PRKDC: variants seen among roughly 807,000 people sequenced by gnomAD.
The protein encoded by PRKDC is DNA-dependent protein kinase catalytic subunit.
PRKDC carries 82 observed loss-of-function variants against 486.9 expected under a neutral mutation model. That is an observed-to-expected ratio of 0.17 (90% CI 0.14 to 0.20). The LOEUF (loss-of-function observed/expected upper bound fraction) is 0.20, where lower values mean the gene tolerates loss of function less well. PRKDC is among the 10% of genes least tolerant of loss of function. The probability of loss-of-function intolerance (pLI) is 1.00; values close to 1 mark genes in which losing one functional copy is unlikely to be tolerated. For missense variants in PRKDC, 4,504 were observed against 5,038.2 expected, an observed-to-expected ratio of 0.89 and a Z score of 3.21; for synonymous variants, 1,895 against 1,837.0, an observed-to-expected ratio of 1.03 and a Z score of -0.81.
chr8:47,776,773 A>T (rs959046312), intron 85 of PRKDC, 71 bp downstream of exon 85: 2 of 1,552,716 alleles, frequency 1.3e-6, no homozygotes, highest in South Asian at 2.3e-5. Context: ...CACTTTGTAT[A>T]TATGTTGGCT....
chr8:47,817,316 G>C, intron 68 of PRKDC, 134 bp downstream of exon 68: 1 of 646,698 alleles, frequency 1.5e-6, no homozygotes, highest in Non-Finnish European at 2.7e-6. Context: ...CTACTTACAT[G>C]GGAAACAGGA....
At chr8:47,799,683 A>G (rs925924633) in intron 71 of PRKDC, among the ~76,000 whole-genome samples, 1 of 152,202 alleles carries the variant, frequency 6.6e-6, no homozygotes. Flanking sequence ...TGTCGGGAAT[A>G]TAAGAGGGAG....
rs111724137 is a variant in PRKDC, at chr8:47,888,610, C to T, written c.4321G>A (p.Ala1441Thr). ...GCCAGCCTGCTCCTGTCCACTTGCG[C>T]GTCAGGGCCATACAAGTTGACGGCA... ...LCAVNLYGPD[A>T]QVDRSRLAAV... The change falls in exon 34 of 86, where the codon GCG becomes ACG. Residue 1441 changes from alanine (A) to threonine (T), a missense_variant. Physicochemically the swap from Ala to Thr is moderately conservative, Grantham distance 58. Around this residue, in one of 6 missense-constraint regions of PRKDC, gnomAD observed 1,969 missense variants for 2,068.9 expected, o/e 0.95. Transcript: ENST00000314191. 1,127 of 1,593,726 alleles carry T rather than the reference C, an allele frequency of 7.1e-4. 4 individuals are homozygous for T. The African/African-American group carries it at 0.013, about 18-fold the overall frequency.
intron 25 of PRKDC, among the ~76,000 whole-genome samples, chr8:47,909,556 A>G (rs114086736): frequency 0.026 from 3,961 of 152,326 alleles, 151 homozygotes; most frequent in African/African-American, 0.082. Flanking sequence ...GGTAACAAGC[A>G]AGGGAAGATA....
In PRKDC at chr8:47,877,813, C is replaced by A. The variant is rs1212849781; in HGVS notation, c.5274G>T (p.Leu1758Phe). The change falls in exon 40 of 86, where the codon TTG (leucine) becomes TTT (phenylalanine). Residue 1758 changes from leucine (L) to phenylalanine (F), a missense_variant. This residue lies in a region of PRKDC where 1,969 missense variants were observed against 2,068.9 expected (regional missense o/e 0.95). Coordinates refer to ENST00000314191, the MANE Select transcript of PRKDC (RefSeq NM_006904.7). ...DALELSQSPMLLELMTEVLCR... is the reference protein window; with the variant it reads ...DALELSQSPMFLELMTEVLCR... ...AAAGAACTTCTGTCATCAATTCCAACAACATAGGGCTTTGAGATAATTCCA... is the reference window on the plus strand; with the variant it reads ...AAAGAACTTCTGTCATCAATTCCAAAAACATAGGGCTTTGAGATAATTCCA... The A allele has an allele frequency of 8.2e-6, 13 of 1,580,950 alleles. No homozygotes were observed. Among genetic ancestry groups the A allele is most frequent in the Non-Finnish European group, 1.0e-5 (12 of 1,162,416 alleles).
chr8:47,919,863 C>T lies in PRKDC; in HGVS notation c.2420-1480G>A, dbSNP rs537215832. ...CCCCAAATCTGGCCATAAACAAAAT[C>T]TCTGCAGCACTGCGACATGTTCGTG... is the stretch of plus-strand genomic sequence containing the variant. On this transcript the variant is annotated intron_variant, in intron 21 of 85. Transcript: ENST00000314191. 7.2e-5 allele frequency among the ~76,000 whole-genome samples: 11 copies of T among 151,906 alleles called. No homozygotes were observed. In the East Asian group the frequency reaches 2.1e-3, roughly 29 times the overall value.
intron 60 of PRKDC, among the ~76,000 whole-genome samples, 170 bp downstream of exon 60, chr8:47,831,644 T>C (rs2087878321): frequency 6.6e-6 from 1 of 152,094 alleles, no homozygotes. Context: ...CAGAGCGCCA[T>C]GAGGGCTGCA....
At position 47,837,221 on chromosome 8, in the gene PRKDC, G is replaced by A. The variant is rs779798380; in HGVS notation, c.7752C>T (p.Cys2584=). Residue 2584 remains cysteine (C), a synonymous_variant, in exon 57 of 86, where the codon TGC becomes TGT. Transcript: ENST00000314191. ...GAGAAGACCACATTACCTGAAATTC[G>A]CATTCTGACAGAGGATGCTCGAACA... The part of the protein sequence containing the change: ...NPMFEHPLSE[C]EFQEYTIDSD... 17 of 1,612,640 alleles carry A rather than the reference G, an allele frequency of 1.1e-5. No homozygotes were observed. Among genetic ancestry groups the A allele is most frequent in the East Asian group, 2.2e-5 (1 of 44,876 alleles).
At chr8:47,860,370 C>T (rs2088648810) in intron 45 of PRKDC, among the ~76,000 whole-genome samples, 1 of 152,136 alleles carries the variant, frequency 6.6e-6, no homozygotes, top group Non-Finnish European at 1.5e-5. Context: ...CGACCTAGGG[C>T]AAAAGCAGGC....
intron 61 of PRKDC, among the ~76,000 whole-genome samples, chr8:47,828,601 T>C (rs1290814111): frequency 6.6e-6 from 1 of 152,194 alleles, no homozygotes; most frequent in Non-Finnish European, 1.5e-5. Context: ...GCTTAATCAA[T>C]ACATAATGAC....
intron 49 of PRKDC, 144 bp downstream of exon 49, chr8:47,857,012 G>T: frequency 1.2e-6 from 1 of 844,772 alleles, no homozygotes; most frequent in Non-Finnish European, 1.6e-6. Flanking sequence ...GAGGCCATTT[G>T]GTTTAGGAGC....
intron 50 of PRKDC, 143 bp downstream of exon 50, chr8:47,855,071 CACTCTGGA>C: frequency 1.2e-6 from 1 of 864,366 alleles, no homozygotes; most frequent in Non-Finnish European, 1.7e-6. Flanking sequence ...TCTGGTGCCA[CACTCTGGA>C]GGCTGTGGTT....
intron 69 of PRKDC, 63 bp downstream of exon 69, chr8:47,807,074 T>G: frequency 6.7e-7 from 1 of 1,486,922 alleles, no homozygotes; most frequent in East Asian, 2.3e-5. Context: ...AAGCTAAAAT[T>G]AGAGAAAAGC....
intron 21 of PRKDC, among the ~76,000 whole-genome samples, chr8:47,919,479 A>G (rs1180987668): frequency 6.6e-6 from 1 of 152,230 alleles, no homozygotes; most frequent in Non-Finnish European, 1.5e-5. Context: ...CTACAACTAT[A>G]AAGTCATTTC....
At chr8:47,878,359 C>T (rs2089135980) in intron 39 of PRKDC, among the ~76,000 whole-genome samples, 1 of 152,168 alleles carries the variant, frequency 6.6e-6, no homozygotes, top group Non-Finnish European at 1.5e-5. Context: ...CCCTCCTCGG[C>T]CACCCAAAGT....
Position 47,782,061 on chromosome 8 carries a change from G to T in PRKDC, c.11489+101C>A. 3 of 976,088 alleles carry T rather than the reference G, an allele frequency of 3.1e-6. No homozygotes were observed. The highest frequency in any genetic ancestry group is 4.7e-6 in the Non-Finnish European group (3 of 631,592). 60.5% of individuals were successfully genotyped at this position (976,088 alleles called of 1,614,324 possible). A position where few individuals can be genotyped will look rare whatever the true frequency, so the allele number is the denominator to read the frequency against. On this transcript the variant is annotated intron_variant, in intron 80 of 85. Transcript: ENST00000314191. This position sits in a 1 kb window ranked among gnomAD's most constrained non-coding sequence, Gnocchi z 4.9. ...ACCCAGCCAGCAGACTGCGGGGCAG[G>T]CAGTGTGGGCTCTCGAGCGCGCCTG...
chr8:47,882,632 G>T (rs749081300), intron 36 of PRKDC, among the ~76,000 whole-genome samples: 1 of 152,036 alleles, frequency 6.6e-6, no homozygotes, highest in African/African-American at 2.4e-5. Flanking sequence ...ACACGCAAAC[G>T]CACACTTCTT....
intron 21 of PRKDC, among the ~76,000 whole-genome samples, chr8:47,925,277 C>T (rs1196328387): frequency 6.6e-6 from 1 of 152,224 alleles, no homozygotes; most frequent in African/African-American, 2.4e-5. Context: ...CAAATGGTTA[C>T]AGTGGAAACA....
chr8:47,862,517 C>T lies in PRKDC; in HGVS notation c.5775G>A (p.Glu1925=), dbSNP rs1310600591. 6.2e-7 allele frequency: 1 copy of T among 1,612,066 alleles called. No homozygotes were observed. Among genetic ancestry groups the T allele is most frequent in the Admixed American group, 1.7e-5 (1 of 59,644 alleles). The change falls in exon 43 of 86, where the codon GAG becomes GAA. Residue 1925 remains glutamate (E), a synonymous_variant. Transcript: ENST00000314191. ...GCAGCTGATTCTCTCCTGCCATGTT[C>T]TCTGTAAATGCATCGTAGCACAATC... ...LIKLCYDAFT[E]NMAGENQLLE...
Sources: allele counts gnomAD v4.1 joint callset (sites outside exome capture counted in the v4.1 genomes callset), GRCh38; gene constraint gnomAD v4.1.1; regional missense constraint gnomAD v4.1.1; non-coding constraint Gnocchi (gnomAD v3.1); transcripts MANE v1.5; gene names NCBI Gene and HGNC (gene_info 2026-07-23, HGNC 2026-07-21).